The following COL19A1 variants were observed in gnomAD, a reference collection of about 807,000 sequenced individuals.
COL19A1 encodes collagen type XIX alpha 1 chain.
A neutral mutation model predicts 190.2 loss-of-function variants in COL19A1; 159 were observed. That is an observed-to-expected ratio of 0.84 (90% CI 0.73 to 0.95). The LOEUF is 0.95. COL19A1 is among the 40% of genes least tolerant of loss of function. COL19A1 has a pLI of 0.00. For missense variants in COL19A1, 1,418 were observed against 1,431.9 expected, an observed-to-expected ratio of 0.99 and a Z score of 0.16; for synonymous variants, 509 against 458.9, an observed-to-expected ratio of 1.11 and a Z score of -1.39.
chr6:69,948,182 T>C lies in COL19A1; in HGVS notation c.936+10082T>C, dbSNP rs553484426. On this transcript the variant is annotated intron_variant, in intron 9 of 50. Coordinates refer to ENST00000620364, the MANE Select transcript of COL19A1 (RefSeq NM_001858.6). ...TTTCAGATCATTAGGAGTTTTTGAA[T>C]TATTCTGAACATGGGAATCTTTTTT... is the stretch of plus-strand genomic sequence containing the variant. Among the ~76,000 whole-genome samples, 4 of 151,976 alleles carry C rather than the reference T, an allele frequency of 2.6e-5. No homozygotes were observed. The South Asian group carries it at 8.3e-4, about 31-fold the overall frequency.
intron 11 of COL19A1, among the ~76,000 whole-genome samples, chr6:70,020,519 C>T (rs981841297): frequency 6.6e-6 from 1 of 151,960 alleles, no homozygotes; most frequent in Non-Finnish European, 1.5e-5. Flanking sequence ...ACATTTGTTC[C>T]TAATAAATTT....
chr6:70,032,024 C>G (rs893098555), intron 12 of COL19A1, among the ~76,000 whole-genome samples: 2 of 152,138 alleles, frequency 1.3e-5, no homozygotes, highest in Non-Finnish European at 2.9e-5. Context: ...AGATCAGGTT[C>G]AACTCTAACT....
intron 4 of COL19A1, among the ~76,000 whole-genome samples, chr6:69,921,273 AT>A (rs1170304118): frequency 2.4e-5 from 3 of 127,142 alleles, no homozygotes; most frequent in Non-Finnish European, 3.1e-5. Flanking sequence ...TATATCATAT[AT>A]ATCATATATC....
At chr6:69,878,770 G>A (rs1768305233) in intron 1 of COL19A1, among the ~76,000 whole-genome samples, 1 of 152,156 alleles carries the variant, frequency 6.6e-6, no homozygotes. Context: ...CATAGTAGTA[G>A]TATTCACAAT....
intron 9 of COL19A1, among the ~76,000 whole-genome samples, chr6:69,953,752 C>T (rs1774259305): frequency 6.6e-6 from 1 of 151,938 alleles, no homozygotes; most frequent in African/African-American, 2.4e-5. Context: ...GCTAAACAGT[C>T]AGATTTCAAG....
chr6:69,981,540 A>G (rs973112726), intron 11 of COL19A1, among the ~76,000 whole-genome samples: 32 of 152,256 alleles, frequency 2.1e-4, no homozygotes, highest in African/African-American at 7.2e-4. Flanking sequence ...TTACAAACTT[A>G]AAAGTTAATA....
chr6:70,127,665 A>T (rs1227784431), intron 17 of COL19A1, among the ~76,000 whole-genome samples: 2 of 152,188 alleles, frequency 1.3e-5, no homozygotes, highest in African/African-American at 4.8e-5. Flanking sequence ...TCATGGTGGA[A>T]GGTGAAAGGC....
At chr6:69,875,906 C>A (rs9342779) in intron 1 of COL19A1, among the ~76,000 whole-genome samples, 1 of 151,990 alleles carries the variant, frequency 6.6e-6, no homozygotes, top group East Asian at 1.9e-4. Flanking sequence ...AGAATGGTGA[C>A]GTCATCTAAG....
At chr6:70,142,164 C>A in intron 22 of COL19A1, 88 bp downstream of exon 22, 1 of 1,181,476 alleles carries the variant, frequency 8.5e-7, no homozygotes. Flanking sequence ...GTATGCCACT[C>A]ATTTTCTTCA....
At chr6:70,048,285 T>C (rs773939193) in intron 14 of COL19A1, among the ~76,000 whole-genome samples, 1 of 152,120 alleles carries the variant, frequency 6.6e-6, no homozygotes, top group Non-Finnish European at 1.5e-5. Flanking sequence ...CAAGAGATCA[T>C]ATAGTGTTCA....
At chr6:70,144,698 T>C (rs989078421) in intron 24 of COL19A1, among the ~76,000 whole-genome samples, 1 of 152,188 alleles carries the variant, frequency 6.6e-6, no homozygotes, top group African/African-American at 2.4e-5. Flanking sequence ...TTCATGATAC[T>C]GCTAACATAA....
intron 11 of COL19A1, among the ~76,000 whole-genome samples, chr6:70,020,372 T>C (rs1030727516): frequency 1.3e-5 from 2 of 152,120 alleles, no homozygotes; most frequent in African/African-American, 4.8e-5. Flanking sequence ...TTTCTTTTTT[T>C]GGTTTCATGC....
intron 4 of COL19A1, among the ~76,000 whole-genome samples, chr6:69,910,453 C>T (rs1770837263): frequency 6.6e-6 from 1 of 152,050 alleles, no homozygotes; most frequent in Non-Finnish European, 1.5e-5. Flanking sequence ...TCTCCAAATC[C>T]AGAATTAATT....
chr6:69,936,040 G>A (rs1290815397), intron 7 of COL19A1, among the ~76,000 whole-genome samples: 1 of 152,050 alleles, frequency 6.6e-6, no homozygotes, highest in Non-Finnish European at 1.5e-5. Flanking sequence ...TCGTGAAATT[G>A]CAAATTCAGA....
chr6:70,007,454 A>T (rs1457981377), intron 11 of COL19A1, among the ~76,000 whole-genome samples: 2 of 152,170 alleles, frequency 1.3e-5, no homozygotes, highest in East Asian at 3.9e-4. Context: ...CACAGACTCT[A>T]TGACAAGTGA....
chr6:70,090,576 A>G (rs1782856244), intron 15 of COL19A1, among the ~76,000 whole-genome samples: 1 of 151,912 alleles, frequency 6.6e-6, no homozygotes, highest in Non-Finnish European at 1.5e-5. Flanking sequence ...CATATAATCG[A>G]CTCTACACAC....
intron 2 of COL19A1, among the ~76,000 whole-genome samples, chr6:69,895,289 A>G (rs1300808484): frequency 6.6e-6 from 1 of 152,228 alleles, no homozygotes; most frequent in Non-Finnish European, 1.5e-5. Flanking sequence ...GTGGTTTCCC[A>G]TAAGCTCAGA....
intron 31 of COL19A1, among the ~76,000 whole-genome samples, chr6:70,152,971 C>A (rs1583037458): frequency 1.3e-5 from 2 of 152,104 alleles, no homozygotes; most frequent in African/African-American, 4.8e-5. Context: ...AGAAGTGGAA[C>A]TAATTGACAA....
chr6:69,879,294 G>T (rs1458563500), intron 1 of COL19A1, among the ~76,000 whole-genome samples: 1 of 152,130 alleles, frequency 6.6e-6, no homozygotes, highest in Non-Finnish European at 1.5e-5. Context: ...AAATTTAACT[G>T]ATAAGAAGCT....
Sources: gnomAD v4.1 joint callset for allele counts (sites outside exome capture counted in the v4.1 genomes callset) on GRCh38, gnomAD v4.1.1 for gene constraint, MANE v1.5 for transcripts, NCBI Gene and HGNC (gene_info 2026-07-23, HGNC 2026-07-21) for gene names.